SNX7: variants seen among roughly 807,000 people sequenced by gnomAD.
The protein encoded by SNX7 is sorting nexin-7.
A neutral mutation model predicts 48.4 loss-of-function variants in SNX7; 35 were observed. The ratio of observed to expected loss-of-function variants is 0.72; its 90% CI spans 0.55 to 0.96. SNX7 has a LOEUF of 0.96. SNX7 is among the 40% of genes least tolerant of loss of function. The pLI is 0.00. For synonymous variants in SNX7, 190 were observed against 190.2 expected (o/e 1.00, Z 0.01); for missense variants, 553 against 548.9 (o/e 1.01, Z -0.07).
intron 1 of SNX7, among the ~76,000 whole-genome samples, chr1:98,681,298 G>C (rs1043323826): frequency 7.2e-5 from 11 of 152,144 alleles, no homozygotes; most frequent in African/African-American, 2.2e-4. Flanking sequence ...CATGGGAATC[G>C]TGGGAGTTAC....
chr1:98,683,519 T>G (rs1490983917), intron 1 of SNX7, among the ~76,000 whole-genome samples: 1 of 151,968 alleles, frequency 6.6e-6, no homozygotes, highest in African/African-American at 2.4e-5. Context: ...AGCGTGGAGC[T>G]CTCATGATTA....
chr1:98,756,867 C>T (rs996935342), intron 8 of SNX7, among the ~76,000 whole-genome samples: 4 of 151,982 alleles, frequency 2.6e-5, no homozygotes, highest in African/African-American at 9.7e-5. Flanking sequence ...ATATTCGTCC[C>T]CACCCAAATC....
intron 8 of SNX7, among the ~76,000 whole-genome samples, chr1:98,753,893 T>C (rs1654708042): frequency 6.6e-6 from 1 of 152,102 alleles, no homozygotes; most frequent in South Asian, 2.1e-4. Flanking sequence ...ATACTTGACA[T>C]TTGGTGAAGG....
Position 98,661,747 on chromosome 1 carries a change from C to T in SNX7, c.16C>T (p.Arg6Trp). ...CACTCTCGGGATGGAGGGCGAGCGC[C>T]GGGCATCGCAGGCGCCCTCCTCGGG... MEGER[R>W]ASQAPSSGLP... The change falls in exon 1 of 9, where the codon CGG becomes TGG. Residue 6 changes from arginine (R) to tryptophan (W), a missense_variant. By Grantham distance (101) the Arg-to-Trp change is moderately radical. Coordinates refer to ENST00000306121, the MANE Select transcript of SNX7 (RefSeq NM_015976.5). 1 of 1,234,266 alleles carries T rather than the reference C, an allele frequency of 8.1e-7. No individual in the cohort carries two copies. Among genetic ancestry groups the T allele is most frequent in the Non-Finnish European group, 1.0e-6 (1 of 983,774 alleles). The allele number at this position is 1,234,266 out of a possible 1,614,324, so 76.5% of individuals were successfully genotyped here. A position where few individuals can be genotyped will look rare whatever the true frequency, so the allele number is the denominator to read the frequency against.
intron 2 of SNX7, among the ~76,000 whole-genome samples, chr1:98,685,908 A>G (rs528931610): frequency 6.6e-6 from 1 of 152,256 alleles, no homozygotes; most frequent in South Asian, 2.1e-4. Flanking sequence ...CAGGCAGAGC[A>G]AAGTGCCGAC....
intron 7 of SNX7, among the ~76,000 whole-genome samples, chr1:98,723,726 G>T (rs1191591305): frequency 6.6e-6 from 1 of 151,962 alleles, no homozygotes; most frequent in Non-Finnish European, 1.5e-5. Flanking sequence ...GTGTAGTGGT[G>T]CATGCCCGTA....
chr1:98,736,973 T>C (rs893425162), intron 7 of SNX7, among the ~76,000 whole-genome samples: 4 of 152,156 alleles, frequency 2.6e-5, no homozygotes, highest in Non-Finnish European at 5.9e-5. Flanking sequence ...TCTTCCTGGC[T>C]TTGAATCTCC....
intron 5 of SNX7, among the ~76,000 whole-genome samples, chr1:98,696,397 A>C (rs1651461541): frequency 6.6e-6 from 1 of 152,134 alleles, no homozygotes; most frequent in Non-Finnish European, 1.5e-5. Flanking sequence ...ACCTCTACTT[A>C]ACTGTACTGC....
chr1:98,734,450 G>T (rs537788342), intron 7 of SNX7, among the ~76,000 whole-genome samples: 2 of 152,240 alleles, frequency 1.3e-5, no homozygotes, highest in Admixed American at 1.3e-4. Context: ...GTCTTGACTG[G>T]CAGACATCGG....
At chr1:98,688,860 T>A (rs530146912) in intron 2 of SNX7, among the ~76,000 whole-genome samples, 1 of 152,290 alleles carries the variant, frequency 6.6e-6, no homozygotes, top group East Asian at 1.9e-4. Flanking sequence ...CCCAGTTATT[T>A]CTACAGTTTG....
At chr1:98,701,741 A>T in intron 6 of SNX7, 76 bp from the exon 7 acceptor site, 1 of 913,370 alleles carries the variant, frequency 1.1e-6, no homozygotes, top group South Asian at 2.0e-5. Flanking sequence ...TTATATTCTG[A>T]AATATATATT....
chr1:98,696,908 T>C (rs1651487769), intron 5 of SNX7, among the ~76,000 whole-genome samples: 1 of 152,106 alleles, frequency 6.6e-6, no homozygotes, highest in African/African-American at 2.4e-5. Context: ...ATTAAGATGG[T>C]ACCTGTTAAG....
At chr1:98,674,043 A>G (rs1037000270) in intron 1 of SNX7, among the ~76,000 whole-genome samples, 1 of 152,226 alleles carries the variant, frequency 6.6e-6, no homozygotes, top group South Asian at 2.1e-4. Context: ...TTTCAGTGGT[A>G]GAATGTTGGA....
At chr1:98,749,791 A>T (rs995630783) in intron 8 of SNX7, among the ~76,000 whole-genome samples, 12 of 152,152 alleles carry the variant, frequency 7.9e-5, no homozygotes, top group Non-Finnish European at 1.3e-4. Flanking sequence ...AATAATTTTT[A>T]TAGATGATAA....
intron 8 of SNX7, among the ~76,000 whole-genome samples, chr1:98,749,247 A>G (rs1023896827): frequency 1.3e-5 from 2 of 152,166 alleles, no homozygotes; most frequent in Non-Finnish European, 2.9e-5. Flanking sequence ...GAAATGGAAT[A>G]AATTTTATCT....
In SNX7 at chr1:98,698,859, T is replaced by C; in HGVS notation, c.992T>C (p.Leu331Pro). 1 of 1,613,838 alleles carries C rather than the reference T, an allele frequency of 6.2e-7. No homozygotes were observed. The highest frequency in any genetic ancestry group is 8.5e-7 in the Non-Finnish European group (1 of 1,179,782). Residue 331 changes from leucine (L) to proline (P), a missense_variant, in exon 6 of 9, where the codon CTG becomes CCG. Leu to Pro is a moderately conservative substitution (Grantham distance 98). Transcript: ENST00000306121. ...EKRMSGLSEALLPVVHEYVLY... is the reference protein window; with the variant it reads ...EKRMSGLSEAPLPVVHEYVLY... ...CGGATGTCTGGACTCTCAGAGGCCC[T>C]GCTTCCTGTTGTACATGAGTACGTG...
intron 6 of SNX7, among the ~76,000 whole-genome samples, chr1:98,699,712 CT>C (rs775572824): frequency 3.5e-4 from 54 of 152,182 alleles, no homozygotes; most frequent in Non-Finnish European, 7.5e-4. Flanking sequence ...TTTTTAAAAA[CT>C]TTTCCTTGTT....
intron 7 of SNX7, among the ~76,000 whole-genome samples, chr1:98,713,085 C>G (rs1350396866): frequency 7.6e-6 from 1 of 131,118 alleles, no homozygotes; most frequent in East Asian, 2.2e-4. Flanking sequence ...GAGCGAAACT[C>G]TGTCTCAGGA....
intron 2 of SNX7, among the ~76,000 whole-genome samples, chr1:98,687,752 AT>A (rs1650886066): frequency 6.6e-6 from 1 of 152,182 alleles, no homozygotes; most frequent in Non-Finnish European, 1.5e-5. Context: ...AAGGCGGGAC[AT>A]TTAATTGACT....
Sources: gnomAD v4.1 joint callset for allele counts (sites outside exome capture counted in the v4.1 genomes callset) on GRCh38, gnomAD v4.1.1 for gene constraint, MANE v1.5 for transcripts, NCBI Gene and HGNC (gene_info 2026-07-23, HGNC 2026-07-21) for gene names.